The following PRDM10 variants were observed in gnomAD, a reference collection of about 807,000 sequenced individuals.
PRDM10 encodes PR domain zinc finger protein 10.
A neutral mutation model predicts 133.1 loss-of-function variants in PRDM10; 65 were observed. That is an observed-to-expected ratio of 0.49 (90% CI 0.40 to 0.60). PRDM10 has a LOEUF of 0.60. PRDM10 is among the 20% of genes least tolerant of loss of function. The pLI is 0.00. For synonymous variants in PRDM10, 582 were observed against 580.4 expected (o/e 1.00, Z -0.04); for missense variants, 1,137 against 1,507.1 (o/e 0.75, Z 4.07).
intron 17 of PRDM10, among the ~76,000 whole-genome samples, chr11:129,914,003 A>G (rs952084313): frequency 6.6e-6 from 1 of 152,118 alleles, no homozygotes; most frequent in African/African-American, 2.4e-5. Context: ...TGATATGCAG[A>G]GATTGACTCA....
intron 4 of PRDM10, among the ~76,000 whole-genome samples, chr11:129,954,592 TA>T (rs1285557426): frequency 1.3e-5 from 2 of 152,020 alleles, no homozygotes; most frequent in Admixed American, 1.3e-4. Flanking sequence ...GAGAATAATT[TA>T]ATTATTAATC....
chr11:129,970,545 CT>C (rs35299145), intron 1 of PRDM10, among the ~76,000 whole-genome samples: 189 of 143,592 alleles, frequency 1.3e-3, no homozygotes, highest in Middle Eastern at 3.7e-3. Flanking sequence ...CATACCCAAC[CT>C]TTTTTTTTTT....
In PRDM10 at chr11:129,914,996, C is replaced by T. The variant is rs1484112394; in HGVS notation, c.2549G>A (p.Arg850Gln). Residue 850 changes from arginine (R) to glutamine (Q), a missense_variant, in exon 17 of 21, where the codon CGA becomes CAA. By Grantham distance (43) the Arg-to-Gln change is conservative. Around this residue, in one of 6 missense-constraint regions of PRDM10, gnomAD observed 113 missense variants for 143.7 expected, o/e 0.79. Transcript: ENST00000360871. ...CTGGGCGAACTCTGGATGCTTCTTT[C>T]GAATGTGCTGGACCATCTTGGTCTG... ...SSKTKMVQHIRKKHPEFAQLS... is the reference protein window; with the variant it reads ...SSKTKMVQHIQKKHPEFAQLS... The T allele has an allele frequency of 1.2e-6, 2 of 1,604,160 alleles. No individual in the cohort carries two copies. The highest frequency in any genetic ancestry group is 1.3e-5 in the African/African-American group (1 of 74,672).
chr11:129,970,144 G>A (rs985801355), intron 1 of PRDM10, among the ~76,000 whole-genome samples: 1 of 152,162 alleles, frequency 6.6e-6, no homozygotes, highest in East Asian at 1.9e-4. Flanking sequence ...ATTAATAGCT[G>A]ACATGTTATG....
intron 11 of PRDM10, 123 bp from the exon 12 acceptor site, chr11:129,925,352 T>A: frequency 1.1e-6 from 1 of 899,886 alleles, no homozygotes; most frequent in Non-Finnish European, 1.6e-6. Flanking sequence ...AGTTCAACTC[T>A]AGGACACACA....
chr11:129,960,268 C>T (rs1315602327), intron 2 of PRDM10, among the ~76,000 whole-genome samples: 1 of 152,188 alleles, frequency 6.6e-6, no homozygotes, highest in Non-Finnish European at 1.5e-5. Context: ...TTTGGTCACA[C>T]ATAAAACATG....
At chr11:129,911,343 T>C (rs1950181680) in intron 18 of PRDM10, among the ~76,000 whole-genome samples, 1 of 152,100 alleles carries the variant, frequency 6.6e-6, no homozygotes, top group South Asian at 2.1e-4. Context: ...AAGTTCATCG[T>C]TTCCATTCAC....
chr11:129,912,579 G>A (rs976755764), intron 17 of PRDM10, among the ~76,000 whole-genome samples: 5 of 151,864 alleles, frequency 3.3e-5, no homozygotes, highest in South Asian at 2.1e-4. Flanking sequence ...GTGAAACCCC[G>A]TCTCTACTGA....
In PRDM10 at chr11:129,923,410, A is replaced by C; in HGVS notation, c.1879-7T>G. 1 of 1,601,426 alleles carries C rather than the reference A, an allele frequency of 6.2e-7. No individual in the cohort carries two copies. Among genetic ancestry groups the C allele is most frequent in the Non-Finnish European group, 8.5e-7 (1 of 1,173,644 alleles). Reference sequence around the variant, plus strand: ...TGCGCACGTGTTTTTTCACCTGGTGATAAGAACCACAGGAAAATTCAGGGG... The same window carrying C: ...TGCGCACGTGTTTTTTCACCTGGTGCTAAGAACCACAGGAAAATTCAGGGG... On this transcript the variant is annotated splice_region_variant and splice_polypyrimidine_tract_variant and intron_variant, in intron 12 of 20. Coordinates refer to ENST00000360871, the MANE Select transcript of PRDM10 (RefSeq NM_199437.2). This position sits in a 1 kb window ranked among gnomAD's most constrained non-coding sequence, Gnocchi z 4.4.
At chr11:129,961,547 C>A (rs911779322) in intron 1 of PRDM10, among the ~76,000 whole-genome samples, 1 of 150,644 alleles carries the variant, frequency 6.6e-6, no homozygotes, top group African/African-American at 2.4e-5. Context: ...CTCAAGTGAT[C>A]CACCTGCCTT....
Position 129,983,102 on chromosome 11 carries a change from G to A in PRDM10, c.-119+19620C>T, listed in dbSNP as rs557548989. Among the ~76,000 whole-genome samples, 7 of 151,514 alleles carry A rather than the reference G, an allele frequency of 4.6e-5. No homozygotes were observed. In the South Asian group the frequency reaches 6.3e-4, roughly 14 times the overall value. ...AGTGATTCTCCTGTGTCAACCTCCC[G>A]AATAGCTGGGATTACAGGTGCGCAC... On this transcript the variant is annotated intron_variant, in intron 1 of 20. Coordinates refer to ENST00000360871, the MANE Select transcript of PRDM10 (RefSeq NM_199437.2).
chr11:129,914,456 G>C, intron 17 of PRDM10: 1 of 571,720 alleles, frequency 1.7e-6, no homozygotes, highest in East Asian at 3.2e-5. Flanking sequence ...CTACTGTCCT[G>C]CCACAGCACA....
At position 129,942,636 on chromosome 11, in the gene PRDM10, GA is replaced by G. The variant is rs762296665; in HGVS notation, c.763-8del. Reference sequence around the variant, plus strand: ...CCCCTTTATCAAGAGAAACCTGCACGAAAAAAAAGCCACACCAAAAACAAAA... The same window carrying G: ...CCCCTTTATCAAGAGAAACCTGCACGAAAAAAAGCCACACCAAAAACAAAA... On this transcript the variant is annotated splice_polypyrimidine_tract_variant and splice_region_variant and intron_variant, in intron 6 of 20. Transcript: ENST00000360871. The G allele has an allele frequency of 5.7e-5, 90 of 1,570,488 alleles. No homozygotes were observed. The highest frequency in any genetic ancestry group is 5.0e-4 in the African/African-American group (36 of 72,232).
chr11:129,931,932 A>C (rs2135817235), intron 10 of PRDM10, among the ~76,000 whole-genome samples, 170 bp downstream of exon 10: 1 of 152,272 alleles, frequency 6.6e-6, no homozygotes, highest in African/African-American at 2.4e-5. Flanking sequence ...TAACACTTGA[A>C]AATACATTCT....
chr11:129,926,109 C>T (rs368016574), intron 11 of PRDM10, among the ~76,000 whole-genome samples: 20 of 152,316 alleles, frequency 1.3e-4, no homozygotes, highest in Non-Finnish European at 2.5e-4. Flanking sequence ...GTTCCTGCCT[C>T]GACCAGGCAA....
intron 7 of PRDM10, among the ~76,000 whole-genome samples, chr11:129,940,684 T>C (rs937804420): frequency 6.6e-6 from 1 of 152,228 alleles, no homozygotes; most frequent in Non-Finnish European, 1.5e-5. Context: ...AAGCCCAGAA[T>C]GCATTTGCTA....
At chr11:129,905,967 T>C (rs1950004187) in intron 19 of PRDM10, among the ~76,000 whole-genome samples, 1 of 152,230 alleles carries the variant, frequency 6.6e-6, no homozygotes, top group African/African-American at 2.4e-5. Context: ...CCTTCAAATG[T>C]GGCTTCTCAA....
At chr11:129,995,425 T>C (rs1012862317) in intron 1 of PRDM10, among the ~76,000 whole-genome samples, 1 of 152,152 alleles carries the variant, frequency 6.6e-6, no homozygotes, top group African/African-American at 2.4e-5. Flanking sequence ...AGACTAAACG[T>C]AAACAAGTGT....
intron 15 of PRDM10, among the ~76,000 whole-genome samples, chr11:129,916,455 T>C (rs1950360353): frequency 6.6e-6 from 1 of 152,320 alleles, no homozygotes; most frequent in Non-Finnish European, 1.5e-5. Context: ...CTGGCCAACA[T>C]GGTGAAACCC....
Sources: allele counts gnomAD v4.1 joint callset (sites outside exome capture counted in the v4.1 genomes callset), GRCh38; gene constraint gnomAD v4.1.1; regional missense constraint gnomAD v4.1.1; non-coding constraint Gnocchi (gnomAD v3.1); transcripts MANE v1.5; gene names NCBI Gene and HGNC (gene_info 2026-07-23, HGNC 2026-07-21).